The following ITGA9 variants were observed in gnomAD, a reference collection of about 807,000 sequenced individuals.
ITGA9 encodes integrin subunit alpha 9, also known as integrin alpha-9.
A neutral mutation model predicts 127.8 loss-of-function variants in ITGA9; 56 were observed. That is an observed-to-expected ratio of 0.44 (90% CI 0.35 to 0.55). ITGA9 has a LOEUF of 0.55. ITGA9 is among the 20% of genes least tolerant of loss of function. The pLI is 0.00. For synonymous variants in ITGA9, 508 were observed against 514.5 expected, an observed-to-expected ratio of 0.99 and a Z score of 0.17; for missense variants, 1,196 against 1,347.1, an observed-to-expected ratio of 0.89 and a Z score of 1.76.
chr3:37,676,727 G>A (rs1282886989), intron 17 of ITGA9, among the ~76,000 whole-genome samples: 1 of 152,066 alleles, frequency 6.6e-6, no homozygotes, highest in Non-Finnish European at 1.5e-5. Flanking sequence ...TAAATTCATG[G>A]GCCTAGAAGA....
chr3:37,656,949 A>G (rs974662349), intron 17 of ITGA9, among the ~76,000 whole-genome samples: 12 of 151,704 alleles, frequency 7.9e-5, no homozygotes, highest in African/African-American at 1.7e-4. Context: ...TGAGATAATC[A>G]TGTGTTTTTT....
At chr3:37,801,294 G>A (rs573509436) in intron 26 of ITGA9, among the ~76,000 whole-genome samples, 48 of 152,262 alleles carry the variant, frequency 3.2e-4, no homozygotes, top group African/African-American at 1.2e-3. Context: ...CATCCTTGGT[G>A]GGGGTGGGGA....
chr3:37,795,039 T>A (rs1276627412), intron 26 of ITGA9, among the ~76,000 whole-genome samples: 2 of 152,212 alleles, frequency 1.3e-5, no homozygotes, highest in African/African-American at 4.8e-5. Flanking sequence ...GGCTATTAGA[T>A]GGAATCAGAA....
chr3:37,584,916 C>T (rs1402989472), intron 15 of ITGA9, among the ~76,000 whole-genome samples: 2 of 152,118 alleles, frequency 1.3e-5, no homozygotes, highest in Non-Finnish European at 2.9e-5. Flanking sequence ...CCACCATTAT[C>T]CCTCCTGCTT....
At chr3:37,460,824 C>T (rs1446262496) in intron 1 of ITGA9, among the ~76,000 whole-genome samples, 2 of 152,088 alleles carry the variant, frequency 1.3e-5, no homozygotes, top group East Asian at 1.9e-4. Flanking sequence ...CTCCTGACCT[C>T]GTGATCTGCC....
intron 26 of ITGA9, among the ~76,000 whole-genome samples, chr3:37,793,389 AACACACACACACACAC>A (rs10575371): frequency 0.048 from 6,489 of 134,554 alleles, 198 homozygotes; most frequent in Non-Finnish European, 0.074. Flanking sequence ...CAAACAGGTC[AACACACACACACACAC>A]ACACACACAC....
At chr3:37,514,630 C>T (rs550202332) in intron 9 of ITGA9, among the ~76,000 whole-genome samples, 8 of 152,288 alleles carry the variant, frequency 5.3e-5, no homozygotes, top group African/African-American at 1.4e-4. Context: ...AGTGCAGTGA[C>T]GCAGTCTTGG....
At chr3:37,498,691 G>A (rs1010357466) in intron 5 of ITGA9, among the ~76,000 whole-genome samples, 4 of 152,324 alleles carry the variant, frequency 2.6e-5, no homozygotes, top group Admixed American at 2.0e-4. Flanking sequence ...GTGGGCAGTG[G>A]TGAGTGGGAA....
chr3:37,680,707 T>C (rs1282678826), intron 17 of ITGA9, among the ~76,000 whole-genome samples: 2 of 152,240 alleles, frequency 1.3e-5, no homozygotes, highest in African/African-American at 4.8e-5. Context: ...GGACTACTTA[T>C]GAATGCCTGT....
chr3:37,542,322 G>A (rs1699281081), intron 14 of ITGA9, 103 bp from the exon 15 acceptor site: 2 of 1,227,970 alleles, frequency 1.6e-6, no homozygotes, highest in African/African-American at 1.5e-5. Context: ...GGAAGGGTAG[G>A]TATCATATGA....
Position 37,691,531 on chromosome 3 carries a change from C to A in ITGA9, c.2067+7516C>A, listed in dbSNP as rs913401239. Among the ~76,000 whole-genome samples the A allele has an allele frequency of 2.4e-4, 36 of 152,214 alleles. 1 individual carries two copies. The South Asian group carries it at 7.3e-3, about 31-fold the overall frequency. ...AGCACACTCTATTTTCTAATAAAACCGAGAGATCTTATGACTTTGGCAGCT... is the reference window on the plus strand; with the variant it reads ...AGCACACTCTATTTTCTAATAAAACAGAGAGATCTTATGACTTTGGCAGCT... On this transcript the variant is annotated intron_variant, in intron 18 of 27. Coordinates refer to ENST00000264741, the MANE Select transcript of ITGA9 (RefSeq NM_002207.3).
chr3:37,567,858 G>T (rs1474808247), intron 15 of ITGA9, among the ~76,000 whole-genome samples: 2 of 152,172 alleles, frequency 1.3e-5, no homozygotes, highest in African/African-American at 4.8e-5. Flanking sequence ...ACCCCACCTG[G>T]CTGCTTTCAC....
At chr3:37,499,497 AG>A (rs1698766961) in intron 5 of ITGA9, among the ~76,000 whole-genome samples, 1 of 152,246 alleles carries the variant, frequency 6.6e-6, no homozygotes, top group Non-Finnish European at 1.5e-5. Flanking sequence ...GCCTTTGCTT[AG>A]AGAAGCTTTC....
At chr3:37,494,426 C>A in intron 4 of ITGA9, 75 bp from the exon 5 acceptor site, 2 of 1,083,010 alleles carry the variant, frequency 1.8e-6, no homozygotes, top group Non-Finnish European at 2.8e-6. Flanking sequence ...GGCTGGCTGG[C>A]TCTGCTGGCT....
chr3:37,741,857 T>G, intron 21 of ITGA9, 38 bp downstream of exon 21: 1 of 1,469,100 alleles, frequency 6.8e-7, no homozygotes, highest in Non-Finnish European at 9.5e-7. Context: ...AACACAGGAG[T>G]GCCCTCCAGT....
In ITGA9 at chr3:37,629,593, C is replaced by T. The variant is rs1700210543; in HGVS notation, c.1839+257C>T. On this transcript the variant is annotated intron_variant, in intron 16 of 27. Transcript: ENST00000264741. This position sits in a 1 kb window ranked among gnomAD's most constrained non-coding sequence, Gnocchi z 4.5. ...TTAGAAGTTACAATCCCCTCGAGTT[C>T]GTGAACTGGCTGGCCACTTGGTCCC... 4 of 611,248 alleles carry T rather than the reference C, an allele frequency of 6.5e-6. No homozygotes were observed. The highest frequency in any genetic ancestry group is 2.8e-5 in the Admixed American group (1 of 35,254). The allele number at this position is 611,248 out of a possible 1,614,324, so 37.9% of individuals were successfully genotyped here.
At chr3:37,469,572 C>T (rs1372333882) in intron 1 of ITGA9, among the ~76,000 whole-genome samples, 3 of 152,206 alleles carry the variant, frequency 2.0e-5, no homozygotes, top group Non-Finnish European at 4.4e-5. Context: ...ATTCCCCTCC[C>T]TAATTGCAAC....
At chr3:37,530,541 CA>C (rs1354043279) in intron 13 of ITGA9, among the ~76,000 whole-genome samples, 1 of 152,032 alleles carries the variant, frequency 6.6e-6, no homozygotes, top group Non-Finnish European at 1.5e-5. Context: ...AGTAACCTAA[CA>C]ATGGCACCAG....
intron 17 of ITGA9, among the ~76,000 whole-genome samples, chr3:37,667,907 G>A (rs1700600918): frequency 6.6e-6 from 1 of 152,326 alleles, no homozygotes; most frequent in Admixed American, 6.5e-5. Context: ...GCAGCTTGGG[G>A]AACCTGGCCT....
Sources: allele counts gnomAD v4.1 joint callset (sites outside exome capture counted in the v4.1 genomes callset), GRCh38; gene constraint gnomAD v4.1.1; non-coding constraint Gnocchi (gnomAD v3.1); transcripts MANE v1.5; gene names NCBI Gene and HGNC (gene_info 2026-07-23, HGNC 2026-07-21).